The following WDR72 variants were observed in gnomAD, a reference collection of about 807,000 sequenced individuals.
The protein encoded by WDR72 is WD repeat-containing protein 72.
WDR72 carries 120 observed loss-of-function variants against 124.2 expected under a neutral mutation model. The observed-to-expected ratio is 0.97, with a 90% CI of 0.83 to 1.12. The LOEUF is 1.12. Among genes scored for constraint, WDR72 ranks in the 50% most tolerant of loss-of-function variants. The pLI, the probability that WDR72 is intolerant of heterozygous loss-of-function variation, is 0.00. For synonymous variants in WDR72, 452 were observed against 441.7 expected (o/e 1.02, Z -0.29); for missense variants, 1,387 against 1,278.8 (o/e 1.08, Z -1.29).
At chr15:53,739,313 G>C (rs1365933830) in intron 1 of WDR72, among the ~76,000 whole-genome samples, 1 of 152,138 alleles carries the variant, frequency 6.6e-6, no homozygotes, top group Non-Finnish European at 1.5e-5. Context: ...TGGCAGTCCT[G>C]GGACCCTTAG....
At chr15:53,723,382 G>C (rs1048175506) in intron 2 of WDR72, among the ~76,000 whole-genome samples, 4 of 152,098 alleles carry the variant, frequency 2.6e-5, no homozygotes, top group African/African-American at 9.7e-5. Flanking sequence ...AAACAGTATA[G>C]AGGTTCCTCA....
At chr15:53,732,906 G>A (rs1361649975) in intron 2 of WDR72, 91 bp downstream of exon 2, 1 of 1,476,382 alleles carries the variant, frequency 6.8e-7, no homozygotes, top group African/African-American at 1.4e-5. Context: ...TAACAATCAT[G>A]CAAACCTTCC....
At chr15:53,699,672 CTCTGAAACTT>C in intron 13 of WDR72, 68 bp downstream of exon 13, 1 of 1,507,532 alleles carries the variant, frequency 6.6e-7, no homozygotes, top group Non-Finnish European at 9.2e-7. Context: ...ACCGTGTCTT[CTCTGAAACTT>C]TCCATCTGGT....
intron 3 of WDR72, among the ~76,000 whole-genome samples, chr15:53,719,584 A>G (rs2017814984): frequency 6.6e-6 from 1 of 152,180 alleles, no homozygotes; most frequent in South Asian, 2.1e-4. Context: ...ATCTCAATGA[A>G]TGATATCGTT....
chr15:53,704,689 C>CTTT lies in WDR72; in HGVS notation c.1348+296_1348+298dup, dbSNP rs66465971. ...TACAGGTGCCCGCCACCATGCCCAGCTTTTTTTTTTTTTTTTGTATTTTTA... is the reference window on the plus strand; with the variant it reads ...TACAGGTGCCCGCCACCATGCCCAGCTTTTTTTTTTTTTTTTTTTGTATTTTTA... On this transcript the variant is annotated intron_variant, in intron 11 of 19. Coordinates refer to ENST00000360509, the MANE Select transcript of WDR72 (RefSeq NM_182758.4). Among the ~76,000 whole-genome samples the CTTT allele has an allele frequency of 7.4e-3, 910 of 123,604 alleles. 14 individuals carry two copies. The highest frequency in any genetic ancestry group is 0.012 in the Non-Finnish European group (711 of 60,700). 81.1% of individuals were successfully genotyped at this position (123,604 alleles called of 152,430 possible). A position where few individuals can be genotyped will look rare whatever the true frequency, so the allele number is the denominator to read the frequency against.
intron 9 of WDR72, among the ~76,000 whole-genome samples, chr15:53,708,401 G>A (rs771969162): frequency 3.9e-5 from 6 of 152,318 alleles, no homozygotes; most frequent in Non-Finnish European, 8.8e-5. Flanking sequence ...TGGGATTGGT[G>A]TGAGGATTAA....
At chr15:53,530,388 C>T (rs955165045) in intron 18 of WDR72, among the ~76,000 whole-genome samples, 4 of 151,718 alleles carry the variant, frequency 2.6e-5, no homozygotes, top group African/African-American at 9.7e-5. Context: ...TGAATGATTT[C>T]TAAGAATGTA....
intron 18 of WDR72, among the ~76,000 whole-genome samples, chr15:53,572,717 G>A (rs1186929210): frequency 6.6e-6 from 1 of 152,176 alleles, no homozygotes; most frequent in African/African-American, 2.4e-5. Flanking sequence ...CCTGGGAAAT[G>A]GCGAGAATTG....
chr15:53,639,502 A>G (rs1423782745), intron 14 of WDR72, among the ~76,000 whole-genome samples: 2 of 145,546 alleles, frequency 1.4e-5, no homozygotes, highest in African/African-American at 5.1e-5. Context: ...ATTTATTTAT[A>G]AAATTATATA....
Position 53,706,346 on chromosome 15 carries a change from GTGTGTATATATATATATATATATATATA to G in WDR72, c.955-300_955-273del, listed in dbSNP as rs199898236. 1.2e-3 allele frequency among the ~76,000 whole-genome samples: 118 copies of G among 98,000 alleles called. 2 individuals carry two copies. Among genetic ancestry groups the G allele is most frequent in the Middle Eastern group, 6.0e-3 (1 of 166 alleles). The allele number at this position is 98,000 out of a possible 152,430, so 64.3% of individuals were successfully genotyped here. A position where few individuals can be genotyped will look rare whatever the true frequency, so the allele number is the denominator to read the frequency against. On this transcript the variant is annotated intron_variant, in intron 9 of 19. Coordinates refer to ENST00000360509, the MANE Select transcript of WDR72 (RefSeq NM_182758.4). ...GTTATATGTGCGTGTGTGTGTGTGTGTGTGTATATATATATATATATATATATATATATATATATATATATATATGGCT... is the reference window on the plus strand; with the variant it reads ...GTTATATGTGCGTGTGTGTGTGTGTGTATATATATATATATATATATGGCT...
At chr15:53,745,257 G>A (rs912219328) in intron 1 of WDR72, among the ~76,000 whole-genome samples, 4 of 152,068 alleles carry the variant, frequency 2.6e-5, no homozygotes, top group Non-Finnish European at 5.9e-5. Context: ...TCAGCATATG[G>A]AATGAATTGA....
chr15:53,698,277 T>G (rs1247649225), intron 13 of WDR72, among the ~76,000 whole-genome samples: 1 of 152,202 alleles, frequency 6.6e-6, no homozygotes, highest in Non-Finnish European at 1.5e-5. Context: ...GCCCAGATAT[T>G]TATTTATTCT....
intron 14 of WDR72, among the ~76,000 whole-genome samples, chr15:53,622,695 T>C (rs1229752204): frequency 6.6e-6 from 1 of 152,036 alleles, no homozygotes; most frequent in Non-Finnish European, 1.5e-5. Flanking sequence ...ACCTAGGTGA[T>C]GGGTTTCTAC....
intron 2 of WDR72, 88 bp from the exon 3 acceptor site, chr15:53,722,996 G>A (rs16966567): frequency 7.9e-7 from 1 of 1,264,668 alleles, no homozygotes; most frequent in Non-Finnish European, 1.1e-6. Flanking sequence ...ACTCTGATTA[G>A]GAAATTCTGT....
At chr15:53,696,090 TCTCTGTGGG>T (rs1197752846) in intron 13 of WDR72, among the ~76,000 whole-genome samples, 1 of 152,176 alleles carries the variant, frequency 6.6e-6, no homozygotes, top group African/African-American at 2.4e-5. Flanking sequence ...TCCTATTTTC[TCTCTGTGGG>T]CTCTGGAGTT....
intron 18 of WDR72, among the ~76,000 whole-genome samples, chr15:53,540,100 T>C (rs893333766): frequency 9.8e-5 from 15 of 152,294 alleles, no homozygotes; most frequent in African/African-American, 3.6e-4. Context: ...GACTAATATA[T>C]GTGTAAGTAA....
intron 13 of WDR72, among the ~76,000 whole-genome samples, chr15:53,699,193 T>C (rs1452533802): frequency 6.6e-6 from 1 of 152,224 alleles, no homozygotes; most frequent in Non-Finnish European, 1.5e-5. Context: ...TTTTCTGGAA[T>C]GTATTACTCT....
chr15:53,710,586 T>A (rs1171773279), intron 9 of WDR72, among the ~76,000 whole-genome samples: 3 of 152,210 alleles, frequency 2.0e-5, no homozygotes, highest in Non-Finnish European at 4.4e-5. Context: ...AATTTTAATT[T>A]CTCCTTTCTT....
At chr15:53,548,271 A>G (rs916131348) in intron 18 of WDR72, among the ~76,000 whole-genome samples, 12 of 152,202 alleles carry the variant, frequency 7.9e-5, no homozygotes, top group African/African-American at 2.4e-4. Context: ...GTGGTAAGGT[A>G]TCTTTTATAG....
Sources: gnomAD v4.1 joint callset for allele counts (sites outside exome capture counted in the v4.1 genomes callset) on GRCh38, gnomAD v4.1.1 for gene constraint, MANE v1.5 for transcripts, NCBI Gene and HGNC (gene_info 2026-07-23, HGNC 2026-07-21) for gene names.